The following RBFOX1 variants were observed in gnomAD, a reference collection of about 807,000 sequenced individuals.
RBFOX1 encodes the protein RNA binding protein fox-1 homolog 1.
A neutral mutation model predicts 57.7 loss-of-function variants in RBFOX1; 8 were observed. The ratio of observed to expected loss-of-function variants is 0.14; its 90% CI spans 0.08 to 0.25. RBFOX1 has a LOEUF of 0.25. Among genes scored for constraint, RBFOX1 ranks in the 10% least tolerant of loss-of-function variants. The pLI, the probability that RBFOX1 is intolerant of heterozygous loss-of-function variation, is 1.00. For synonymous variants in RBFOX1, 326 were observed against 222.4 expected (o/e 1.47, Z -4.15); for missense variants, 611 against 548.5 (o/e 1.11, Z -1.14).
chr16:5,664,728 C>G (rs1169280134), intron 3 of RBFOX1, among the ~76,000 whole-genome samples: 3 of 152,164 alleles, frequency 2.0e-5, no homozygotes, highest in African/African-American at 4.8e-5. Flanking sequence ...AATACTGACT[C>G]TTGGTCCACA....
chr16:5,700,344 T>C (rs1057384124), intron 3 of RBFOX1, among the ~76,000 whole-genome samples: 1 of 152,184 alleles, frequency 6.6e-6, no homozygotes, highest in African/African-American at 2.4e-5. Flanking sequence ...GGTCTTTCTA[T>C]ATCTAAAAAT....
chr16:7,003,428 G>A (rs1218919568), intron 3 of RBFOX1, among the ~76,000 whole-genome samples: 1 of 150,590 alleles, frequency 6.6e-6, no homozygotes, highest in Non-Finnish European at 1.5e-5. Flanking sequence ...CCACTGTACT[G>A]CAGCCTGGTG....
intron 4 of RBFOX1, among the ~76,000 whole-genome samples, chr16:7,068,822 C>T (rs1234069905): frequency 6.6e-6 from 1 of 152,214 alleles, no homozygotes; most frequent in African/African-American, 2.4e-5. Flanking sequence ...CTCCAGACCT[C>T]AAGTGGTCCA....
intron 14 of RBFOX1, among the ~76,000 whole-genome samples, chr16:7,701,732 G>T (rs2080802813): frequency 6.6e-6 from 1 of 151,534 alleles, no homozygotes. Flanking sequence ...ACTAGGAGAA[G>T]GCTATAGTAA....
At chr16:6,891,346 C>A (rs113134133) in intron 3 of RBFOX1, among the ~76,000 whole-genome samples, 7 of 152,106 alleles carry the variant, frequency 4.6e-5, no homozygotes, top group Non-Finnish European at 1.0e-4. Flanking sequence ...AATCTACTTG[C>A]CCATCGATAT....
chr16:6,003,469 C>T (rs1341918536), intron 4 of RBFOX1, among the ~76,000 whole-genome samples: 2 of 152,018 alleles, frequency 1.3e-5, no homozygotes, highest in Non-Finnish European at 2.9e-5. Flanking sequence ...CACCGCCCAC[C>T]ACCACCCCTC....
chr16:7,390,321 T>A (rs1597236773), intron 4 of RBFOX1, among the ~76,000 whole-genome samples: 1 of 152,010 alleles, frequency 6.6e-6, no homozygotes, highest in African/African-American at 2.4e-5. Context: ...CCCATAACAA[T>A]AGAGAGAATA....
At chr16:7,343,704 G>T (rs2096940294) in intron 4 of RBFOX1, among the ~76,000 whole-genome samples, 1 of 152,156 alleles carries the variant, frequency 6.6e-6, no homozygotes, top group Non-Finnish European at 1.5e-5. Context: ...CAAACAGGAG[G>T]TGGTATGGAG....
At chr16:7,704,358 T>C (rs549483140) in intron 14 of RBFOX1, among the ~76,000 whole-genome samples, 1 of 152,342 alleles carries the variant, frequency 6.6e-6, no homozygotes, top group East Asian at 1.9e-4. Flanking sequence ...ACTTGGCCAG[T>C]GTTTTGCAAA....
intron 2 of RBFOX1, among the ~76,000 whole-genome samples, chr16:6,381,886 C>G (rs1325954384): frequency 6.6e-6 from 1 of 152,236 alleles, no homozygotes; most frequent in Non-Finnish European, 1.5e-5. Flanking sequence ...ATAGCTGTCT[C>G]CCCTGCTGCA....
At chr16:6,428,456 A>C (rs1307546357) in intron 2 of RBFOX1, among the ~76,000 whole-genome samples, 1 of 152,082 alleles carries the variant, frequency 6.6e-6, no homozygotes, top group Non-Finnish European at 1.5e-5. Flanking sequence ...TTTATATTGT[A>C]ATTTTTTATT....
At chr16:5,830,566 C>T (rs2056229823) in intron 3 of RBFOX1, among the ~76,000 whole-genome samples, 1 of 152,098 alleles carries the variant, frequency 6.6e-6, no homozygotes, top group Non-Finnish European at 1.5e-5. Flanking sequence ...CTTCTAGCTC[C>T]ATTTGGGTGG....
intron 3 of RBFOX1, among the ~76,000 whole-genome samples, chr16:5,646,529 G>A (rs538837705): frequency 4.2e-4 from 64 of 152,318 alleles, no homozygotes; most frequent in African/African-American, 1.5e-3. Flanking sequence ...TGTAGGATGT[G>A]CAGGAGGAGA....
chr16:5,501,326 A>AAAAAG (rs1453516474), intron 2 of RBFOX1, among the ~76,000 whole-genome samples: 65 of 149,606 alleles, frequency 4.3e-4, no homozygotes, highest in Non-Finnish European at 8.6e-4. Context: ...TACAAAAAAA[A>AAAAAG]AAAAAAAAAA....
intron 1 of RBFOX1, among the ~76,000 whole-genome samples, chr16:6,027,314 G>A (rs1435201748): frequency 6.6e-6 from 1 of 152,168 alleles, no homozygotes; most frequent in South Asian, 2.1e-4. Context: ...GGCAAACCGA[G>A]ATTGCAGACT....
intron 3 of RBFOX1, among the ~76,000 whole-genome samples, chr16:5,746,147 T>A (rs2052971411): frequency 1.3e-5 from 2 of 152,238 alleles, no homozygotes; most frequent in Admixed American, 1.3e-4. Flanking sequence ...AGTTTCAGCT[T>A]TCTCTATATG....
intron 3 of RBFOX1, among the ~76,000 whole-genome samples, chr16:6,840,638 C>T (rs1265492190): frequency 6.6e-6 from 1 of 152,122 alleles, no homozygotes; most frequent in East Asian, 1.9e-4. Flanking sequence ...CCCATAACCC[C>T]AGCACTTTGG....
chr16:5,708,907 G>A (rs913001126), intron 3 of RBFOX1, among the ~76,000 whole-genome samples: 5 of 152,270 alleles, frequency 3.3e-5, no homozygotes, highest in South Asian at 4.1e-4. Flanking sequence ...GAGGAAAGAC[G>A]AGAGTGAGAG....
At chr16:7,635,237 C>A (rs867785558) in intron 11 of RBFOX1, among the ~76,000 whole-genome samples, 1 of 152,158 alleles carries the variant, frequency 6.6e-6, no homozygotes, top group African/African-American at 2.4e-5. Flanking sequence ...ATCATTGGTT[C>A]CATGAATGAA....
Sources: allele counts gnomAD v4.1 joint callset (sites outside exome capture counted in the v4.1 genomes callset), GRCh38; gene constraint gnomAD v4.1.1; transcripts MANE v1.5; gene names NCBI Gene and HGNC (gene_info 2026-07-23, HGNC 2026-07-21).